Variants in RORA observed in about 807,000 individuals in gnomAD.
RORA encodes nuclear receptor ROR-alpha.
In RORA, 7 loss-of-function variants were observed where a neutral mutation model predicts 69.5. That is an observed-to-expected ratio of 0.10 (90% CI 0.06 to 0.19). The LOEUF is 0.19. RORA is among the 10% of genes least tolerant of loss of function. The probability of loss-of-function intolerance (pLI) is 1.00; values close to 1 mark genes in which losing one functional copy is unlikely to be tolerated. For synonymous variants in RORA, 261 were observed against 240.8 expected (o/e 1.08, Z -0.78); for missense variants, 457 against 663.0 (o/e 0.69, Z 3.41).
intron 1 of RORA, among the ~76,000 whole-genome samples, chr15:61,081,807 CAAAA>C (rs59591650): frequency 1.9e-5 from 2 of 105,672 alleles, no homozygotes; most frequent in Admixed American, 1.0e-4. Context: ...GACTCTGTCT[CAAAA>C]AAAAAAAAAA....
chr15:60,786,586 G>A (rs562178675), intron 1 of RORA, among the ~76,000 whole-genome samples: 1 of 152,194 alleles, frequency 6.6e-6, no homozygotes, highest in East Asian at 1.9e-4. Flanking sequence ...GGCCAGCCAG[G>A]GTTGACAGTG....
At chr15:61,206,099 T>G (rs2079938632) in intron 1 of RORA, among the ~76,000 whole-genome samples, 1 of 152,178 alleles carries the variant, frequency 6.6e-6, no homozygotes, top group Non-Finnish European at 1.5e-5. Flanking sequence ...AGCTCCTAAC[T>G]ATTGTGAACC....
At chr15:60,945,051 A>T (rs1892828302) in intron 1 of RORA, among the ~76,000 whole-genome samples, 1 of 152,228 alleles carries the variant, frequency 6.6e-6, no homozygotes, top group Non-Finnish European at 1.5e-5. Context: ...AGAGAAAGCT[A>T]GGAGCTGATT....
intron 2 of RORA, among the ~76,000 whole-genome samples, chr15:60,601,869 G>A (rs2068819348): frequency 6.6e-6 from 1 of 151,970 alleles, no homozygotes; most frequent in Non-Finnish European, 1.5e-5. Flanking sequence ...ACATAGCCCT[G>A]GGATGTTTTG....
chr15:60,812,406 A>G (rs947215602), intron 1 of RORA, among the ~76,000 whole-genome samples: 2 of 152,164 alleles, frequency 1.3e-5, no homozygotes, highest in Non-Finnish European at 2.9e-5. Context: ...GCTACTGAGG[A>G]GGCTGAGGTG....
At chr15:60,821,886 G>C (rs2140379678) in intron 1 of RORA, among the ~76,000 whole-genome samples, 1 of 152,344 alleles carries the variant, frequency 6.6e-6, no homozygotes, top group African/African-American at 2.4e-5. Flanking sequence ...CACACAGCTA[G>C]CATGTGGTCA....
chr15:60,961,935 A>G (rs538869407), intron 1 of RORA, among the ~76,000 whole-genome samples: 2 of 152,266 alleles, frequency 1.3e-5, no homozygotes, highest in South Asian at 4.1e-4. Flanking sequence ...CTGCGAATAT[A>G]TATGTGAAAG....
At chr15:60,913,882 T>C (rs1891798992) in intron 1 of RORA, among the ~76,000 whole-genome samples, 1 of 152,218 alleles carries the variant, frequency 6.6e-6, no homozygotes, top group Non-Finnish European at 1.5e-5. Flanking sequence ...TTCCATCTCA[T>C]AGTTCCCTCC....
chr15:60,858,980 C>CTT (rs10707424), intron 1 of RORA, among the ~76,000 whole-genome samples: 4 of 145,814 alleles, frequency 2.7e-5, no homozygotes, highest in Non-Finnish European at 3.0e-5. Context: ...TAGGCTTCAT[C>CTT]TTTTTTTTTT....
intron 1 of RORA, among the ~76,000 whole-genome samples, chr15:61,068,536 A>G (rs1458781907): frequency 6.6e-6 from 1 of 152,224 alleles, no homozygotes; most frequent in Non-Finnish European, 1.5e-5. Context: ...ATGTTCCTTG[A>G]CATCCTGGAC....
intron 1 of RORA, among the ~76,000 whole-genome samples, chr15:60,743,904 G>C (rs1326429380): frequency 6.6e-6 from 1 of 152,118 alleles, no homozygotes; most frequent in Admixed American, 6.5e-5. Context: ...TTTCCAATCA[G>C]AGTCATGGAA....
In RORA at chr15:60,622,343, TGG is replaced by T. The variant is rs765897800; in HGVS notation, c.196+56312_196+56313del. 5.7e-3 allele frequency among the ~76,000 whole-genome samples: 868 copies of T among 152,266 alleles called. 4 individuals are homozygous for T. Among genetic ancestry groups the T allele is most frequent in the Non-Finnish European group, 9.5e-3 (646 of 68,014 alleles). ...ATACCAAGATGCAGGCTGGGCGTGA[TGG>T]CTAACACCTGTAATCCCAGCACTTT... On this transcript the variant is annotated intron_variant, in intron 2 of 10. Coordinates refer to ENST00000335670, the MANE Select transcript of RORA (RefSeq NM_134261.3).
chr15:60,867,420 A>T (rs1443735003), intron 1 of RORA, among the ~76,000 whole-genome samples: 1 of 152,182 alleles, frequency 6.6e-6, no homozygotes, highest in Non-Finnish European at 1.5e-5. Flanking sequence ...GTTTAATTGT[A>T]GAACACCCAG....
At chr15:60,745,087 G>T (rs1469037215) in intron 1 of RORA, among the ~76,000 whole-genome samples, 1 of 152,166 alleles carries the variant, frequency 6.6e-6, no homozygotes, top group African/African-American at 2.4e-5. Context: ...ACTCGTCTTG[G>T]GAGTGCTTCA....
chr15:60,699,047 T>C (rs924877132), intron 1 of RORA, among the ~76,000 whole-genome samples: 1 of 152,094 alleles, frequency 6.6e-6, no homozygotes, highest in Non-Finnish European at 1.5e-5. Context: ...CAGTTTTTCT[T>C]TTAAATTTTG....
At chr15:60,954,591 T>G (rs1410526228) in intron 1 of RORA, among the ~76,000 whole-genome samples, 1 of 152,180 alleles carries the variant, frequency 6.6e-6, no homozygotes, top group Non-Finnish European at 1.5e-5. Flanking sequence ...CCTATTGACC[T>G]ATGTGGGGTT....
At chr15:60,932,659 A>C (rs940284879) in intron 1 of RORA, among the ~76,000 whole-genome samples, 1 of 152,092 alleles carries the variant, frequency 6.6e-6, no homozygotes, top group African/African-American at 2.4e-5. Flanking sequence ...ACTGGTTGGG[A>C]AACCTCCCAG....
chr15:60,993,179 G>C (rs963614082), intron 1 of RORA, among the ~76,000 whole-genome samples: 1 of 152,200 alleles, frequency 6.6e-6, no homozygotes, highest in Admixed American at 6.5e-5. Context: ...GCAGGTCTCT[G>C]AGAAATGGCT....
intron 1 of RORA, among the ~76,000 whole-genome samples, chr15:60,958,818 G>A (rs181299337): frequency 1.3e-5 from 2 of 152,306 alleles, no homozygotes; most frequent in South Asian, 2.1e-4. Context: ...TCTTGATTGT[G>A]GGTCAGGATA....
Sources: gnomAD v4.1 joint callset for allele counts (sites outside exome capture counted in the v4.1 genomes callset) on GRCh38, gnomAD v4.1.1 for gene constraint, MANE v1.5 for transcripts, NCBI Gene and HGNC (gene_info 2026-07-23, HGNC 2026-07-21) for gene names.